MBLAC2: variants seen among roughly 807,000 people sequenced by gnomAD.
MBLAC2 encodes the protein metallo-beta-lactamase domain containing 2.
MBLAC2 carries 24 observed loss-of-function variants against 23.3 expected under a neutral mutation model. The ratio of observed to expected loss-of-function variants is 1.03; its 90% CI spans 0.75 to 1.45. The LOEUF (loss-of-function observed/expected upper bound fraction) is 1.45. Ranked by LOEUF, MBLAC2 falls within the 40% of genes most tolerant of loss-of-function variation. The pLI is 0.00. For synonymous variants in MBLAC2, 162 were observed against 150.9 expected, an observed-to-expected ratio of 1.07 and a Z score of -0.54; for missense variants, 358 against 370.0, an observed-to-expected ratio of 0.97 and a Z score of 0.27.
At chr5:90,464,270 T>G (rs1267499704) in intron 1 of MBLAC2, among the ~76,000 whole-genome samples, 1 of 152,124 alleles carries the variant, frequency 6.6e-6, no homozygotes, top group Non-Finnish European at 1.5e-5. Flanking sequence ...AAAGACAATA[T>G]ATTAAAATAA....
intron 1 of MBLAC2, among the ~76,000 whole-genome samples, chr5:90,472,170 A>G (rs1267485720): frequency 6.6e-6 from 1 of 152,236 alleles, no homozygotes; most frequent in East Asian, 1.9e-4. Context: ...CATTGCTGAC[A>G]CAGAATCAAA....
chr5:90,469,443 T>C (rs1750507507), intron 1 of MBLAC2, among the ~76,000 whole-genome samples: 1 of 151,968 alleles, frequency 6.6e-6, no homozygotes, highest in South Asian at 2.1e-4. Context: ...TGCTGCTACA[T>C]AATTTCTGAT....
At chr5:90,461,608 T>A in intron 1 of MBLAC2, 56 bp from the exon 2 acceptor site, 1 of 1,490,600 alleles carries the variant, frequency 6.7e-7, no homozygotes, top group Non-Finnish European at 9.1e-7. Flanking sequence ...ACTTAGCATG[T>A]AAAGCATACT....
At chr5:90,462,974 C>G (rs1750389283) in intron 1 of MBLAC2, among the ~76,000 whole-genome samples, 1 of 152,096 alleles carries the variant, frequency 6.6e-6, no homozygotes, top group Admixed American at 6.5e-5. Flanking sequence ...GGCCATAAAG[C>G]AAGAATCAAT....
Position 90,474,005 on chromosome 5 carries a change from G to A in MBLAC2, c.288C>T (p.Asp96=). The stretch of plus-strand genomic sequence containing the variant: ...CCTCGGCGTGGTGCACTGCCACGCG[G>A]TCGAACTGGTAGAGGCCGCCGGAGT... ...FDHSGGLYQF[D]RVAVHHAEAE... The change falls in exon 1 of 2, where the codon GAC becomes GAT. Residue 96 remains aspartate (D), a synonymous_variant. Transcript: ENST00000316610. The A allele has an allele frequency of 6.3e-7, 1 of 1,598,348 alleles. No individual in the cohort carries two copies. The highest frequency in any genetic ancestry group is 8.5e-7 in the Non-Finnish European group (1 of 1,173,620).
intron 1 of MBLAC2, chr5:90,473,096 G>A (rs1750592273): frequency 6.6e-6 from 1 of 152,140 alleles, no homozygotes; most frequent in Non-Finnish European, 1.5e-5. Context: ...GAGCCAAAGA[G>A]GACCATGGCT....
In MBLAC2 at chr5:90,459,956, A is replaced by C; in HGVS notation, c.*1211T>G. 1 of 152,610 alleles carries C rather than the reference A, an allele frequency of 6.6e-6. No individual in the cohort carries two copies. Among genetic ancestry groups the C allele is most frequent in the East Asian group, 1.9e-4 (1 of 5,198 alleles). 9.5% of individuals were successfully genotyped at this position (152,610 alleles called of 1,614,324 possible). On this transcript the variant is annotated 3_prime_UTR_variant, in exon 2 of 2. Transcript: ENST00000316610. The stretch of plus-strand genomic sequence containing the variant: ...TTGGTTTTAGATATGTCAATAATAA[A>C]AAGGCAGTGGGAAAAAACTGTTTAA...
intron 1 of MBLAC2, among the ~76,000 whole-genome samples, chr5:90,466,826 T>C (rs912746471): frequency 1.3e-5 from 2 of 152,140 alleles, no homozygotes; most frequent in African/African-American, 2.4e-5. Context: ...TTGAAAAGGA[T>C]TGACAAAACC....
rs1353142696 is a variant in MBLAC2 at position 90,460,211 on chromosome 5, C to G, written c.*956G>C. 6.6e-6 allele frequency: 1 copy of G among 152,474 alleles called. No individual in the cohort carries two copies. The highest frequency in any genetic ancestry group is 2.4e-5 in the African/African-American group (1 of 41,428). The allele number at this position is 152,474 out of a possible 1,614,324, so 9.4% of individuals were successfully genotyped here. A position where few individuals can be genotyped will look rare whatever the true frequency, so the allele number is the denominator to read the frequency against. Reference sequence around the variant, plus strand: ...CACATTTTGCAATTAATTTAAAAATCCCTCTGTAGTACATATGCATGTTAA... The same window carrying G: ...CACATTTTGCAATTAATTTAAAAATGCCTCTGTAGTACATATGCATGTTAA... On this transcript the variant is annotated 3_prime_UTR_variant, in exon 2 of 2. Transcript: ENST00000316610.
At position 90,474,185 on chromosome 5, in the gene MBLAC2, G is replaced by A. The variant is rs756033481; in HGVS notation, c.108C>T (p.Arg36=). The change falls in exon 1 of 2, where the codon CGC becomes CGT. Residue 36 remains arginine (R), a synonymous_variant. Transcript: ENST00000316610. ...CGATCACCACGTCCTGCTCGGAGCC[G>A]CGCACCAGCCAGATGTTGGCACGGT... The part of the protein sequence containing the change: ...SGNRANIWLV[R]GSEQDVVIDT... 7 of 1,607,788 alleles carry A rather than the reference G, an allele frequency of 4.4e-6. No individual in the cohort carries two copies. Among genetic ancestry groups the A allele is most frequent in the African/African-American group, 1.3e-5 (1 of 74,848 alleles).
At chr5:90,469,902 A>AATCAGAAT (rs1222266593) in intron 1 of MBLAC2, among the ~76,000 whole-genome samples, 20 of 152,248 alleles carry the variant, frequency 1.3e-4, no homozygotes, top group Non-Finnish European at 2.6e-4. Context: ...AAAGAAAGGA[A>AATCAGAAT]ATCAGAATAC....
At position 90,474,601 on chromosome 5, in the gene MBLAC2, G is replaced by A. The variant is rs888609840; in HGVS notation, c.-309C>T. ...CGCACCACGAGAGAGCTTTAACGCA[G>A]GGGCCACTGCAGCAGAATGGAGACT... On this transcript the variant is annotated 5_prime_UTR_variant, in exon 1 of 2. Coordinates refer to ENST00000316610, the MANE Select transcript of MBLAC2 (RefSeq NM_203406.2). 1.2e-5 allele frequency: 5 copies of A among 404,854 alleles called. No individual in the cohort carries two copies. Among genetic ancestry groups the A allele is most frequent in the Admixed American group, 4.3e-5 (1 of 23,092 alleles). The allele number at this position is 404,854 out of a possible 1,614,324, so 25.1% of individuals were successfully genotyped here.
chr5:90,468,271 A>G (rs998496575), intron 1 of MBLAC2, among the ~76,000 whole-genome samples: 23 of 152,164 alleles, frequency 1.5e-4, no homozygotes, highest in Admixed American at 3.3e-4. Flanking sequence ...TTCCTCGATT[A>G]TTCCTTCAAA....
At position 90,474,208 on chromosome 5, in the gene MBLAC2, G is replaced by C. The variant is rs369779142; in HGVS notation, c.85C>G (p.Arg29Gly). 47 of 1,612,164 alleles carry C rather than the reference G, an allele frequency of 2.9e-5. No individual in the cohort carries two copies. Among genetic ancestry groups the C allele is most frequent in the Non-Finnish European group, 4.0e-5 (47 of 1,179,242 alleles). ...IQERFYESGN[R>G]ANIWLVRGSE... ...CCGCGCACCAGCCAGATGTTGGCAC[G>C]GTTGCCCGACTCGTAGAAACGTTCT... Residue 29 changes from arginine (R) to glycine (G), a missense_variant, in exon 1 of 2, where the codon CGT becomes GGT. Coordinates refer to ENST00000316610, the MANE Select transcript of MBLAC2 (RefSeq NM_203406.2).
intron 1 of MBLAC2, among the ~76,000 whole-genome samples, chr5:90,466,120 T>C (rs932812313): frequency 4.6e-5 from 7 of 152,212 alleles, no homozygotes; most frequent in Non-Finnish European, 5.9e-5. Context: ...TAAGATCAAG[T>C]GTACAATAAA....
Position 90,473,902 on chromosome 5 carries a change from G to A in MBLAC2, c.391C>T (p.Pro131Ser), listed in dbSNP as rs1750630599. 1.9e-6 allele frequency: 3 copies of A among 1,606,214 alleles called. No homozygotes were observed. In the South Asian group the frequency reaches 3.4e-5, roughly 18 times the overall value. Residue 131 changes from proline (P) to serine (S), a missense_variant, in exon 1 of 2, where the codon CCC becomes TCC. By Grantham distance (74) the Pro-to-Ser change is moderately conservative. Coordinates refer to ENST00000316610, the MANE Select transcript of MBLAC2 (RefSeq NM_203406.2). ...SDSEVVRTPS[P>S]GWRARQFRVQ... ...CGGAACTGTCTGGCCCTCCAGCCGG[G>A]GCTGGGCGTCCGCACCACCTCGCTA...
intron 1 of MBLAC2, among the ~76,000 whole-genome samples, chr5:90,466,354 C>G (rs1360876895): frequency 6.6e-6 from 1 of 152,194 alleles, no homozygotes; most frequent in African/African-American, 2.4e-5. Flanking sequence ...CCTTACTTCA[C>G]AAATATTCAC....
intron 1 of MBLAC2, among the ~76,000 whole-genome samples, chr5:90,465,330 ACT>A (rs1750430207): frequency 6.6e-6 from 1 of 152,222 alleles, no homozygotes; most frequent in Non-Finnish European, 1.5e-5. Context: ...CTACAAAAAC[ACT>A]GTCAAGAGAA....
At chr5:90,470,753 C>G (rs996309959) in intron 1 of MBLAC2, among the ~76,000 whole-genome samples, 1 of 98,456 alleles carries the variant, frequency 1.0e-5, no homozygotes, top group Non-Finnish European at 2.1e-5. Context: ...AACTAGCGCG[C>G]GCGCACACAC....
Sources: allele counts gnomAD v4.1 joint callset (sites outside exome capture counted in the v4.1 genomes callset), GRCh38; gene constraint gnomAD v4.1.1; transcripts MANE v1.5; gene names NCBI Gene and HGNC (gene_info 2026-07-23, HGNC 2026-07-21).